The following FAAH2 variants were observed in gnomAD, a reference collection of about 807,000 sequenced individuals.
FAAH2 encodes fatty acid amide hydrolase 2, also known as fatty-acid amide hydrolase 2.
Under a neutral mutation model 36.9 loss-of-function variants are expected in FAAH2, and 60 were observed. The observed-to-expected ratio is 1.63, with a 90% confidence interval of 1.32 to 2.02. The LOEUF is 2.02. Ranked by LOEUF, FAAH2 falls within the 30% of genes most tolerant of loss-of-function variation. The pLI is 0.00. For missense variants in FAAH2, 689 were observed against 397.5 expected, an observed-to-expected ratio of 1.73 and a Z score of -6.23; for synonymous variants, 214 against 143.8, an observed-to-expected ratio of 1.49 and a Z score of -3.49.
upstream of FAAH2, among the ~76,000 whole-genome samples, chrX:57,284,550 G>T (rs2051783903): frequency 8.9e-6 from 1 of 111,912 alleles, no homozygotes. Context: ...ACTTATACGA[G>T]TTAGCTAAAG....
intron 3 of FAAH2, among the ~76,000 whole-genome samples, chrX:57,325,465 G>A (rs1247267492): frequency 9.0e-6 from 1 of 111,250 alleles, no homozygotes; most frequent in East Asian, 2.8e-4. Context: ...AATCCATCTG[G>A]TCCTGAACTT....
intron 7 of FAAH2, among the ~76,000 whole-genome samples, chrX:57,406,092 T>A (rs920618442): frequency 1.8e-5 from 2 of 111,168 alleles, no homozygotes; most frequent in South Asian, 3.8e-4. Context: ...AGTTTTGAAA[T>A]TGCCATTGTA....
the FAAH2 span, among the ~76,000 whole-genome samples, chrX:57,206,523 A>C: frequency 8.9e-6 from 1 of 112,143 alleles, no homozygotes; most frequent in Non-Finnish European, 1.9e-5. Flanking sequence ...ACACTGTGAA[A>C]ATTTTTTAAG....
chrX:57,394,068 T>A, intron 7 of FAAH2: 1 of 731,005 alleles, frequency 1.4e-6, no homozygotes, highest in Non-Finnish European at 2.2e-6. Flanking sequence ...TGAGCATCAA[T>A]AGCCGCAGCA....
chrX:57,486,815 G>A (rs1432701834), intron 10 of FAAH2, among the ~76,000 whole-genome samples: 1 of 111,755 alleles, frequency 8.9e-6, no homozygotes, highest in Non-Finnish European at 1.9e-5. Context: ...CCCTTTGAAT[G>A]CAGCTGTTAT....
chrX:57,148,008 C>G, the FAAH2 span, among the ~76,000 whole-genome samples: 1 of 111,476 alleles, frequency 9.0e-6, no homozygotes, highest in Non-Finnish European at 1.9e-5. Flanking sequence ...TTTCCACGTG[C>G]TGATGAATAG....
At chrX:57,221,805 C>T in the FAAH2 span, among the ~76,000 whole-genome samples, 1 of 110,442 alleles carries the variant, frequency 9.1e-6, no homozygotes, top group Admixed American at 9.7e-5. Context: ...CGACACCCAC[C>T]TTTCATGTGA....
the FAAH2 span, among the ~76,000 whole-genome samples, chrX:57,130,107 A>G: frequency 4.5e-5 from 5 of 112,358 alleles, no homozygotes; most frequent in African/African-American, 1.6e-4. Context: ...TCCACCTCTC[A>G]CACCAACAAT....
chrX:57,314,667 T>A (rs2052786983), intron 3 of FAAH2, among the ~76,000 whole-genome samples: 1 of 110,931 alleles, frequency 9.0e-6, no homozygotes, highest in African/African-American at 3.3e-5. Context: ...AAAAAAGTGA[T>A]TAATAACTCT....
chrX:57,444,499 C>A (rs760603952), intron 8 of FAAH2, among the ~76,000 whole-genome samples: 1 of 111,556 alleles, frequency 9.0e-6, no homozygotes, highest in Non-Finnish European at 1.9e-5. Context: ...TTTCCAGGTA[C>A]CGTATGTCAT....
chrX:57,381,170 T>A (rs922941748), intron 7 of FAAH2, 141 bp downstream of exon 7: 39 of 406,068 alleles, frequency 9.6e-5, no homozygotes, highest in Middle Eastern at 5.9e-4. Context: ...TAAGGAATTT[T>A]GGATGTAATT....
chrX:57,395,563 C>T (rs1178623753), intron 7 of FAAH2, among the ~76,000 whole-genome samples: 2 of 111,874 alleles, frequency 1.8e-5, no homozygotes, highest in East Asian at 2.8e-4. Context: ...TATTAAATGC[C>T]TAGTTGGTTG....
chrX:57,234,458 G>T, the FAAH2 span, among the ~76,000 whole-genome samples: 1 of 111,047 alleles, frequency 9.0e-6, no homozygotes, highest in African/African-American at 3.3e-5. Flanking sequence ...CATTTGTTGC[G>T]CACTTTAGTT....
chrX:57,158,724 AT>A, the FAAH2 span, among the ~76,000 whole-genome samples: 7 of 111,564 alleles, frequency 6.3e-5, no homozygotes, highest in South Asian at 3.8e-4. Context: ...GTTTGAGTTC[AT>A]TGTAGATTCT....
intron 2 of FAAH2, among the ~76,000 whole-genome samples, chrX:57,304,273 G>C (rs1479225343): frequency 8.9e-6 from 1 of 112,131 alleles, no homozygotes; most frequent in Non-Finnish European, 1.9e-5. Flanking sequence ...AGTTTGGGCT[G>C]TTTCCACTGC....
At chrX:57,247,522 C>G in the FAAH2 span, among the ~76,000 whole-genome samples, 2 of 111,143 alleles carry the variant, frequency 1.8e-5, no homozygotes, top group Non-Finnish European at 1.9e-5. Context: ...CCAGAGCAGG[C>G]CATTTATCTG....
chrX:57,313,860 A>G (rs1409989059), intron 3 of FAAH2, among the ~76,000 whole-genome samples: 1 of 111,421 alleles, frequency 9.0e-6, no homozygotes, highest in South Asian at 3.8e-4. Context: ...TCTATATAAC[A>G]AACAGCTAAT....
chrX:57,334,266 T>TCACACA (rs1491098492), intron 4 of FAAH2, among the ~76,000 whole-genome samples: 2 of 8,139 alleles, frequency 2.5e-4, no homozygotes, highest in Admixed American at 3.0e-3. Context: ...GGAGATTCCG[T>TCACACA]CTCACACACA....
Position 57,320,318 on chromosome X carries a change from A to G in FAAH2, c.412+9589A>G, listed in dbSNP as rs764660330. ...ATCTACAAGAAACTTAAACAAATTT[A>G]CAAGAAAAAGACAAACATCCCCATC... On this transcript the variant is annotated intron_variant, in intron 3 of 10. Coordinates refer to ENST00000374900, the MANE Select transcript of FAAH2 (RefSeq NM_174912.4). Among the ~76,000 whole-genome samples the G allele has an allele frequency of 2.7e-5, 3 of 112,437 alleles. No individual in the cohort carries two copies. The East Asian group carries it at 8.4e-4, about 31-fold the overall frequency.
Sources: gnomAD v4.1 joint callset for allele counts (sites outside exome capture counted in the v4.1 genomes callset) on GRCh38, gnomAD v4.1.1 for gene constraint, MANE v1.5 for transcripts, NCBI Gene and HGNC (gene_info 2026-07-23, HGNC 2026-07-21) for gene names.